The following ADAMTS10 variants were observed in gnomAD, a reference collection of about 807,000 sequenced individuals.
ADAMTS10 encodes A disintegrin and metalloproteinase with thrombospondin motifs 10.
ADAMTS10 carries 48 observed loss-of-function variants against 135.9 expected under a neutral mutation model. The ratio of observed to expected loss-of-function variants is 0.35; its 90% CI spans 0.28 to 0.45. ADAMTS10 has a LOEUF of 0.45. ADAMTS10 is among the 20% of genes least tolerant of loss of function. The probability of loss-of-function intolerance (pLI) is 1.00; values close to 1 mark genes in which losing one functional copy is unlikely to be tolerated. For missense variants in ADAMTS10, 1,131 were observed against 1,565.2 expected (o/e 0.72, Z 4.68); for synonymous variants, 621 against 647.5 (o/e 0.96, Z 0.62).
chr19:8,603,997 A>ATT, intron 4 of ADAMTS10, 113 bp from the exon 5 acceptor site: 1 of 1,036,374 alleles, frequency 9.6e-7, no homozygotes, highest in African/African-American at 1.9e-5. Context: ...TTATTTTGCT[A>ATT]TTTCTTTTTT....
rs782059576 is a variant in ADAMTS10, at chr19:8,586,882, C to G, written c.2173G>C (p.Val725Leu). The change falls in exon 19 of 26, where the codon GTC (valine) becomes CTC (leucine). Residue 725 changes from valine (V) to leucine (L), a missense_variant. This residue lies in a region of ADAMTS10 where 745 missense variants were observed against 1,056.3 expected (regional missense o/e 0.71). Transcript: ENST00000597188. Reference sequence around the variant, plus strand: ...TGGACGGAGCCTTTGGGAATCCAGACGACATCCTCGTACCCTGAACAGCAG... The same window carrying G: ...TGGACGGAGCCTTTGGGAATCCAGAGGACATCCTCGTACCCTGAACAGCAG... ...ASPGAGYEDV[V>L]WIPKGSVHIF... 2 of 1,614,146 alleles carry G rather than the reference C, an allele frequency of 1.2e-6. No homozygotes were observed. Among genetic ancestry groups the G allele is most frequent in the Non-Finnish European group, 1.7e-6 (2 of 1,180,024 alleles).
intron 18 of ADAMTS10, among the ~76,000 whole-genome samples, 156 bp from the exon 19 acceptor site, chr19:8,587,052 T>A (rs531755560): frequency 5.3e-5 from 8 of 152,350 alleles, no homozygotes; most frequent in Admixed American, 5.2e-4. Flanking sequence ...AGGTGTTTCA[T>A]TATCCCCATT....
intron 2 of ADAMTS10, among the ~76,000 whole-genome samples, chr19:8,607,054 G>A (rs2042728990): frequency 6.6e-6 from 1 of 152,110 alleles, no homozygotes; most frequent in East Asian, 1.9e-4. Context: ...AGCCCAGACA[G>A]GGTGGGTGCA....
chr19:8,604,888 A>G lies in ADAMTS10; in HGVS notation c.435+124T>C, dbSNP rs1318384214. 7 of 1,110,328 alleles carry G rather than the reference A, an allele frequency of 6.3e-6. No individual in the cohort carries two copies. In the Admixed American group the frequency reaches 1.4e-4, roughly 22 times the overall value. 68.8% of individuals were successfully genotyped at this position (1,110,328 alleles called of 1,614,324 possible). ...CTTTAGCTGCATCCCCAAAGCACTG[A>G]TTGGCTCAAAACACTTAAAAAACAT... On this transcript the variant is annotated intron_variant, in intron 4 of 25. Transcript: ENST00000597188.
intron 12 of ADAMTS10, 62 bp downstream of exon 12, chr19:8,595,700 C>CCCA: frequency 7.6e-7 from 1 of 1,317,836 alleles, no homozygotes; most frequent in Non-Finnish European, 1.1e-6. Context: ...GGTGGAGTTC[C>CCCA]CTCCCCCAGC....
At chr19:8,592,232 A>G in intron 13 of ADAMTS10, 129 bp from the exon 14 acceptor site, 1 of 1,445,722 alleles carries the variant, frequency 6.9e-7, no homozygotes. Flanking sequence ...GCGGGGTCTG[A>G]ACATGCGAAC....
At chr19:8,585,721 G>A (rs2042419131) in intron 22 of ADAMTS10, 61 bp from the exon 23 acceptor site, 1 of 1,525,522 alleles carries the variant, frequency 6.6e-7, no homozygotes, top group South Asian at 1.1e-5. Flanking sequence ...CACAACAGCA[G>A]GGGGCACTAT....
Position 8,596,276 on chromosome 19 carries a change from C to G in ADAMTS10, c.1190+31G>C. The G allele has an allele frequency of 6.2e-7, 1 of 1,612,866 alleles. No homozygotes were observed. The highest frequency in any genetic ancestry group is 1.7e-5 in the Admixed American group (1 of 60,012). On this transcript the variant is annotated intron_variant, in intron 10 of 25. Coordinates refer to ENST00000597188, the MANE Select transcript of ADAMTS10 (RefSeq NM_030957.4). This position sits in a 1 kb window ranked among gnomAD's most constrained non-coding sequence, Gnocchi z 7.2. ...CTGAGGGACCCGCCCAGCTCCTCCC[C>G]TCCTCCCCCTCTTGTGTGCCCTGGC...
chr19:8,585,965 C>T (rs1250247537), intron 22 of ADAMTS10, among the ~76,000 whole-genome samples, 157 bp downstream of exon 22: 1 of 152,106 alleles, frequency 6.6e-6, no homozygotes, highest in Non-Finnish European at 1.5e-5. Flanking sequence ...ACCTTGGACT[C>T]CCCCATAACT....
chr19:8,595,253 G>A (rs1315349600), intron 12 of ADAMTS10, among the ~76,000 whole-genome samples: 11 of 152,256 alleles, frequency 7.2e-5, no homozygotes, highest in Admixed American at 2.6e-4. Context: ...CTCTATGCAC[G>A]AATGGGGCTT....
chr19:8,604,975 G>A (rs781788562), intron 4 of ADAMTS10, 37 bp downstream of exon 4: 2 of 1,550,194 alleles, frequency 1.3e-6, no homozygotes, highest in South Asian at 1.2e-5. Context: ...CCAAACTTAT[G>A]GGCATTTCCC....
intron 6 of ADAMTS10, among the ~76,000 whole-genome samples, chr19:8,598,979 T>C (rs1342031868): frequency 1.3e-5 from 2 of 152,094 alleles, no homozygotes; most frequent in African/African-American, 2.4e-5. Flanking sequence ...ACCCTCTGCC[T>C]GTCTGCTAAA....
Position 8,592,058 on chromosome 19 carries a change from C to T in ADAMTS10, c.1633G>A (p.Gly545Ser), listed in dbSNP as rs1555739102. 5 of 1,613,474 alleles carry T rather than the reference C, an allele frequency of 3.1e-6. No individual in the cohort carries two copies. The South Asian group carries it at 3.3e-5, about 11-fold the overall frequency. The change falls in exon 14 of 26, where the codon GGT becomes AGT. Residue 545 changes from glycine (G) to serine (S), a missense_variant. Gly to Ser is a moderately conservative substitution (Grantham distance 56, BLOSUM62 0). Transcript: ENST00000597188. ...VCVPFGSRPE[G>S]VDGAWGPWTP... ...CACGGCCCCCAGGCTCCGTCCACACCCTCTGGGCGCGACCCAAAGGGGACA... is the reference window on the plus strand; with the variant it reads ...CACGGCCCCCAGGCTCCGTCCACACTCTCTGGGCGCGACCCAAAGGGGACA...
At chr19:8,587,655 G>A (rs1001788138) in intron 18 of ADAMTS10, among the ~76,000 whole-genome samples, 55 of 151,870 alleles carry the variant, frequency 3.6e-4, no homozygotes, top group Non-Finnish European at 6.9e-4. Context: ...TTTTGTAGCC[G>A]GGCACAGTGG....
At chr19:8,592,350 A>G (rs1395938495) in intron 13 of ADAMTS10, 1 of 727,130 alleles carries the variant, frequency 1.4e-6, no homozygotes, top group African/African-American at 1.8e-5. Flanking sequence ...CAGGACCACG[A>G]TAAGCGTGGA....
At chr19:8,604,578 T>C (rs2042699786) in intron 4 of ADAMTS10, among the ~76,000 whole-genome samples, 2 of 151,336 alleles carry the variant, frequency 1.3e-5, no homozygotes, top group African/African-American at 4.9e-5. Context: ...CCCTCCTGAG[T>C]TCAACTGATT....
At chr19:8,609,465 C>T (rs1380556328) in intron 1 of ADAMTS10, among the ~76,000 whole-genome samples, 1 of 152,072 alleles carries the variant, frequency 6.6e-6, no homozygotes, top group African/African-American at 2.4e-5. Context: ...GGCCAGGCTG[C>T]GGGGACAGGG....
rs2146070681 is a variant in ADAMTS10 at position 8,592,755 on chromosome 19, G to C, written c.1587+8C>G. 1.2e-6 allele frequency: 2 copies of C among 1,608,374 alleles called. No individual in the cohort carries two copies. The highest frequency in any genetic ancestry group is 1.1e-5 in the South Asian group (1 of 90,582). ...GTGGCCCAGTTGGGGGCCCTGGCCG[G>C]CGCTCACCCCCTTGTCGATGGTGTG... On this transcript the variant is annotated splice_region_variant and intron_variant, in intron 13 of 25. Coordinates refer to ENST00000597188, the MANE Select transcript of ADAMTS10 (RefSeq NM_030957.4).
chr19:8,596,437 G>C lies in ADAMTS10; in HGVS notation c.1085-25C>G. On this transcript the variant is annotated intron_variant, in intron 9 of 25. Transcript: ENST00000597188. This position sits in a 1 kb window ranked among gnomAD's most constrained non-coding sequence, Gnocchi z 7.2. ...CCTGGGAAGACGGACATGTGGGGAT[G>C]GGGCTGGGAGGCTCAGGACGGTGCT... 6.2e-7 allele frequency: 1 copy of C among 1,613,576 alleles called. No individual in the cohort carries two copies. Among genetic ancestry groups the C allele is most frequent in the Non-Finnish European group, 8.5e-7 (1 of 1,179,702 alleles).
Sources: gnomAD v4.1 joint callset for allele counts (sites outside exome capture counted in the v4.1 genomes callset) on GRCh38, gnomAD v4.1.1 for gene constraint, gnomAD v4.1.1 regional missense constraint, Gnocchi (gnomAD v3.1) non-coding constraint, MANE v1.5 for transcripts, NCBI Gene and HGNC (gene_info 2026-07-23, HGNC 2026-07-21) for gene names.